HPCAL1: variants seen among roughly 807,000 people sequenced by gnomAD.
HPCAL1 encodes hippocalcin like 1, also known as hippocalcin-like protein 1.
A neutral mutation model predicts 17.1 loss-of-function variants in HPCAL1; 8 were observed. The observed-to-expected ratio is 0.47, with a 90% CI of 0.27 to 0.84. HPCAL1 has a LOEUF of 0.84. HPCAL1 is among the 40% of genes least tolerant of loss of function. The pLI is 0.13. For missense variants in HPCAL1, 165 were observed against 271.1 expected, an observed-to-expected ratio of 0.61 and a Z score of 2.75; for synonymous variants, 112 against 111.4, an observed-to-expected ratio of 1.01 and a Z score of -0.03.
At chr2:10,393,706 G>C (rs539983002) in intron 1 of HPCAL1, among the ~76,000 whole-genome samples, 1 of 152,312 alleles carries the variant, frequency 6.6e-6, no homozygotes, top group Non-Finnish European at 1.5e-5. Flanking sequence ...TGGAGATAGG[G>C]TGTGCTTGCT....
intron 1 of HPCAL1, among the ~76,000 whole-genome samples, chr2:10,350,320 T>A (rs1309522337): frequency 1.8e-5 from 1 of 54,890 alleles, no homozygotes; most frequent in Non-Finnish European, 3.4e-5. Context: ...ATCTATGTCC[T>A]TTTTTTTTTT....
In HPCAL1 at chr2:10,324,795, A is replaced by G. The variant is rs1362163589; in HGVS notation, c.-111+21618A>G. Among the ~76,000 whole-genome samples, 3 of 107,146 alleles carry G rather than the reference A, an allele frequency of 2.8e-5. No individual in the cohort carries two copies. In the South Asian group the frequency reaches 1.0e-3, roughly 37 times the overall value. 70.3% of individuals were successfully genotyped at this position (107,146 alleles called of 152,430 possible). A position where few individuals can be genotyped will look rare whatever the true frequency, so the allele number is the denominator to read the frequency against. On this transcript the variant is annotated intron_variant, in intron 1 of 4. Coordinates refer to ENST00000307845, the MANE Select transcript of HPCAL1 (RefSeq NM_002149.4). ...TTGGTTTTTACATTTTGTTTGCAAT[A>G]TTGGGTTTGCTGGTTTTTGTGTTTT...
chr2:10,329,493 T>C (rs1009680106), intron 1 of HPCAL1, among the ~76,000 whole-genome samples: 1 of 151,894 alleles, frequency 6.6e-6, no homozygotes, highest in Non-Finnish European at 1.5e-5. Flanking sequence ...TGAGCCAGAG[T>C]GTGGTGGCCT....
In HPCAL1 at chr2:10,377,594, C is replaced by G. The variant is rs1323123335; in HGVS notation, c.-110-19241C>G. On this transcript the variant is annotated intron_variant, in intron 1 of 4. Transcript: ENST00000307845. The surrounding 1 kb of genome is among the most constrained non-coding windows in gnomAD (Gnocchi z 5.9). The stretch of plus-strand genomic sequence containing the variant: ...CCACCTCTGAAGCCCCCTGCCAGCT[C>G]TCGGCAGCCCCCTCCTCCCCCTGGC... Among the ~76,000 whole-genome samples, 1 of 152,068 alleles carries G rather than the reference C, an allele frequency of 6.6e-6. No individual in the cohort carries two copies. The highest frequency in any genetic ancestry group is 2.4e-5 in the African/African-American group (1 of 41,384).
chr2:10,378,435 A>G (rs1054425214), intron 1 of HPCAL1, among the ~76,000 whole-genome samples: 6 of 152,010 alleles, frequency 3.9e-5, no homozygotes, highest in African/African-American at 1.4e-4. Flanking sequence ...CTAAATGCAG[A>G]CACATACTCA....
rs35521200 is a variant in HPCAL1, at chr2:10,334,327, G to GTT, written c.-111+31155_-111+31156dup. 3.8e-4 allele frequency among the ~76,000 whole-genome samples: 57 copies of GTT among 150,856 alleles called. 1 individual carries two copies. The East Asian group carries it at 1.0e-2, about 26-fold the overall frequency. ...GCAAGACCCTGTTTTGTTTTGTTTT[G>GTT]TTTTTTAAACAAACAAAAAAACCAA... is the stretch of plus-strand genomic sequence containing the variant. On this transcript the variant is annotated intron_variant, in intron 1 of 4. Transcript: ENST00000307845.
intron 1 of HPCAL1, among the ~76,000 whole-genome samples, chr2:10,334,703 T>TTTTTTTTTTTTTTTTTTTG (rs1664607934): frequency 1.3e-5 from 2 of 151,378 alleles, no homozygotes; most frequent in Admixed American, 6.6e-5. Flanking sequence ...GACTTTTTTT[T>TTTTTTTTTTTTTTTTTTTG]GAGGCAGGGT....
At chr2:10,355,719 T>C (rs1035986872) in intron 1 of HPCAL1, among the ~76,000 whole-genome samples, 5 of 151,828 alleles carry the variant, frequency 3.3e-5, no homozygotes, top group Non-Finnish European at 5.9e-5. Context: ...TCAAGGAGAT[T>C]GGGGAGCAGT....
intron 1 of HPCAL1, among the ~76,000 whole-genome samples, chr2:10,373,572 G>GT (rs1028517357): frequency 4.6e-5 from 7 of 151,588 alleles, no homozygotes; most frequent in Admixed American, 6.6e-5. Flanking sequence ...CTGGGCTGAG[G>GT]TTTTTTTTTG....
At chr2:10,412,773 T>C (rs144433416) in intron 2 of HPCAL1, among the ~76,000 whole-genome samples, 63 of 152,322 alleles carry the variant, frequency 4.1e-4, no homozygotes, top group African/African-American at 1.5e-3. Flanking sequence ...TTCTGGAATT[T>C]TGGGGCCCCA....
intron 1 of HPCAL1, among the ~76,000 whole-genome samples, chr2:10,348,539 G>A (rs1330450738): frequency 1.3e-5 from 2 of 151,998 alleles, no homozygotes; most frequent in Non-Finnish European, 2.9e-5. Flanking sequence ...CAAGGTGGGG[G>A]GATCGCTTGA....
chr2:10,363,376 C>T lies in HPCAL1; in HGVS notation c.-110-33459C>T, dbSNP rs138658096. Among the ~76,000 whole-genome samples the T allele has an allele frequency of 0.013, 2,048 of 152,240 alleles. 58 individuals are homozygous for T. The highest frequency in any genetic ancestry group is 0.046 in the African/African-American group (1,911 of 41,522). ...CTGGGGGTGCTGGGCAGACGTTTAC[C>T]GTCCAGCACCCCCATTTCTGCTGCT... On this transcript the variant is annotated intron_variant, in intron 1 of 4. Coordinates refer to ENST00000307845, the MANE Select transcript of HPCAL1 (RefSeq NM_002149.4). This position sits in a 1 kb window ranked among gnomAD's most constrained non-coding sequence, Gnocchi z 4.7.
intron 2 of HPCAL1, among the ~76,000 whole-genome samples, chr2:10,404,344 C>A (rs1339807187): frequency 6.6e-6 from 1 of 152,214 alleles, no homozygotes; most frequent in Admixed American, 6.5e-5. Flanking sequence ...TCCTGGAATG[C>A]CCCTCACCCC....
chr2:10,358,720 G>A (rs1454356202), intron 1 of HPCAL1, among the ~76,000 whole-genome samples: 1 of 152,092 alleles, frequency 6.6e-6, no homozygotes. Flanking sequence ...TGGGGCGGTC[G>A]GAGAAGAGTC....
chr2:10,406,785 G>A (rs1669997546), intron 2 of HPCAL1, among the ~76,000 whole-genome samples: 1 of 152,236 alleles, frequency 6.6e-6, no homozygotes, highest in African/African-American at 2.4e-5. Flanking sequence ...ACATGGGTCG[G>A]GGGTTGCTTT....
At chr2:10,308,644 C>T (rs1162266015) in intron 1 of HPCAL1, among the ~76,000 whole-genome samples, 1 of 152,172 alleles carries the variant, frequency 6.6e-6, no homozygotes, top group Non-Finnish European at 1.5e-5. Context: ...CTCTTACCTG[C>T]CTCTCCTGCC....
rs1429176715 is a variant in HPCAL1 at position 10,377,169 on chromosome 2, A to G, written c.-110-19666A>G. Among the ~76,000 whole-genome samples the G allele has an allele frequency of 6.6e-6, 1 of 152,186 alleles. No homozygotes were observed. The highest frequency in any genetic ancestry group is 6.5e-5 in the Admixed American group (1 of 15,278). On this transcript the variant is annotated intron_variant, in intron 1 of 4. Transcript: ENST00000307845. This position sits in a 1 kb window ranked among gnomAD's most constrained non-coding sequence, Gnocchi z 5.9. ...TTCTTTAATGAACATCCTGCTGTTC[A>G]ATAGTGAGGCTGCATCCTTCTAGAA...
chr2:10,393,980 T>A (rs1277353762), intron 1 of HPCAL1, among the ~76,000 whole-genome samples: 1 of 146,118 alleles, frequency 6.8e-6, no homozygotes, highest in Non-Finnish European at 1.5e-5. Context: ...AAAAAAAGAT[T>A]GGGGTGCACC....
chr2:10,313,433 C>T (rs993877902), intron 1 of HPCAL1, among the ~76,000 whole-genome samples: 3 of 152,258 alleles, frequency 2.0e-5, no homozygotes, highest in Admixed American at 6.5e-5. Context: ...TGGCGGCTGC[C>T]TTCATTAGAA....
Sources: allele counts gnomAD v4.1 joint callset (sites outside exome capture counted in the v4.1 genomes callset), GRCh38; gene constraint gnomAD v4.1.1; non-coding constraint Gnocchi (gnomAD v3.1); transcripts MANE v1.5; gene names NCBI Gene and HGNC (gene_info 2026-07-23, HGNC 2026-07-21).